LMCD1: variants seen among roughly 807,000 people sequenced by gnomAD.
LMCD1 encodes LIM and cysteine rich domains 1, also known as LIM and cysteine-rich domains protein 1.
In LMCD1, 32 loss-of-function variants were observed where a neutral mutation model predicts 42.7. That is an observed-to-expected ratio of 0.75 (90% confidence interval 0.57 to 1.01). The LOEUF (loss-of-function observed/expected upper bound fraction) is 1.01. Ranked by LOEUF, LMCD1 falls within the 50% of genes least tolerant of loss-of-function variation. LMCD1 has a pLI of 0.00. For missense variants in LMCD1, 458 were observed against 483.1 expected (o/e 0.95, Z 0.49); for synonymous variants, 178 against 184.9 (o/e 0.96, Z 0.30).
At chr3:8,533,392 C>T (rs1306651178) in intron 2 of LMCD1, among the ~76,000 whole-genome samples, 3 of 152,130 alleles carry the variant, frequency 2.0e-5, no homozygotes, top group Non-Finnish European at 4.4e-5. Flanking sequence ...AATGAGGCTG[C>T]CACAATGCAG....
intron 3 of LMCD1, among the ~76,000 whole-genome samples, chr3:8,545,272 A>G (rs928409293): frequency 1.3e-5 from 2 of 152,214 alleles, no homozygotes; most frequent in Non-Finnish European, 2.9e-5. Flanking sequence ...AAATAAAAAT[A>G]TTCAGTTTTG....
At chr3:8,562,301 A>G (rs1263541272) in intron 4 of LMCD1, among the ~76,000 whole-genome samples, 1 of 152,194 alleles carries the variant, frequency 6.6e-6, no homozygotes, top group Non-Finnish European at 1.5e-5. Flanking sequence ...CCCTGTAGGG[A>G]AGCTGCTTCT....
At chr3:8,512,343 G>A (rs781286974) in intron 1 of LMCD1, among the ~76,000 whole-genome samples, 1 of 152,194 alleles carries the variant, frequency 6.6e-6, no homozygotes, top group Non-Finnish European at 1.5e-5. Flanking sequence ...TTCTAGAGCA[G>A]GCGATGCACT....
chr3:8,526,642 G>A (rs1489879639), intron 1 of LMCD1, among the ~76,000 whole-genome samples: 2 of 152,208 alleles, frequency 1.3e-5, no homozygotes, highest in African/African-American at 4.8e-5. Flanking sequence ...TGATTTCATA[G>A]GTCTGGGGTG....
intron 1 of LMCD1, among the ~76,000 whole-genome samples, chr3:8,516,916 A>ACT (rs1171614750): frequency 6.6e-5 from 10 of 152,174 alleles, no homozygotes; most frequent in Non-Finnish European, 1.5e-4. Flanking sequence ...TAGAGGCCTT[A>ACT]CTCTAGCACG....
At chr3:8,502,285 TATAATATA>T (rs1693742161) in intron 1 of LMCD1, among the ~76,000 whole-genome samples, 1 of 58,740 alleles carries the variant, frequency 1.7e-5, no homozygotes, top group South Asian at 3.7e-4. Flanking sequence ...ATAAAATATA[TATAATATA>T]TATTATATAT....
intron 1 of LMCD1, among the ~76,000 whole-genome samples, chr3:8,528,060 C>T (rs530205539): frequency 2.0e-5 from 3 of 152,266 alleles, no homozygotes; most frequent in Non-Finnish European, 2.9e-5. Flanking sequence ...TGCAAGTTAA[C>T]GTGTTACTTC....
Position 8,570,991 on chromosome 3 carries a change from C to T in LMCD1, c.*3393C>T, listed in dbSNP as rs1434430004. 2 of 152,130 alleles carry T rather than the reference C, an allele frequency of 1.3e-5. No individual in the cohort carries two copies. The highest frequency in any genetic ancestry group is 2.9e-5 in the Non-Finnish European group (2 of 68,052). 9.4% of individuals were successfully genotyped at this position (152,130 alleles called of 1,614,324 possible). A position where few individuals can be genotyped will look rare whatever the true frequency, so the allele number is the denominator to read the frequency against. On this transcript the variant is annotated 3_prime_UTR_variant, in exon 6 of 6. Transcript: ENST00000157600. ...AATTGCTGCCTCTGCTGGGGGGCTG[C>T]AATAGCTGAGTGGGATTCTGTACCA...
chr3:8,564,924 C>T (rs1295340191), intron 4 of LMCD1, among the ~76,000 whole-genome samples: 1 of 152,148 alleles, frequency 6.6e-6, no homozygotes, highest in African/African-American at 2.4e-5. Flanking sequence ...CAATCTTCTG[C>T]AAGTCATTGA....
At chr3:8,544,717 T>C (rs539541845) in intron 3 of LMCD1, among the ~76,000 whole-genome samples, 179 of 152,318 alleles carry the variant, frequency 1.2e-3, no homozygotes, top group Non-Finnish European at 1.4e-3. Flanking sequence ...AATTTCCATG[T>C]TCACTCCCAC....
intron 1 of LMCD1, among the ~76,000 whole-genome samples, chr3:8,525,418 G>A (rs967368163): frequency 2.0e-5 from 3 of 152,146 alleles, no homozygotes; most frequent in African/African-American, 7.2e-5. Flanking sequence ...GTGTGTTTGT[G>A]TGTGTGTACG....
Position 8,521,805 on chromosome 3 carries a change from G to A in LMCD1, c.43-10932G>A, listed in dbSNP as rs181809072. Among the ~76,000 whole-genome samples, 11 of 152,266 alleles carry A rather than the reference G, an allele frequency of 7.2e-5. No individual in the cohort carries two copies. The East Asian group carries it at 9.7e-4, about 13-fold the overall frequency. ...ATAGGTAGACAGTGCTGGTAGATTC[G>A]GTTGGTAGACCAGATGACCGAGGGA... On this transcript the variant is annotated intron_variant, in intron 1 of 5. Coordinates refer to ENST00000157600, the MANE Select transcript of LMCD1 (RefSeq NM_014583.4).
intron 4 of LMCD1, among the ~76,000 whole-genome samples, chr3:8,555,716 C>T (rs911644791): frequency 1.6e-3 from 100 of 63,272 alleles, no homozygotes; most frequent in African/African-American, 5.4e-3. Flanking sequence ...CTTCAACGAG[C>T]TTTTTTTTTT....
At chr3:8,532,958 A>C in intron 2 of LMCD1, 133 bp downstream of exon 2, 6 of 738,220 alleles carry the variant, frequency 8.1e-6, no homozygotes, top group Non-Finnish European at 1.2e-5. Context: ...TGCAGAGGGA[A>C]GGCACTCCTG....
chr3:8,507,408 G>A (rs923986043), intron 1 of LMCD1, among the ~76,000 whole-genome samples: 2 of 152,150 alleles, frequency 1.3e-5, no homozygotes, highest in South Asian at 2.1e-4. Flanking sequence ...CAATTGTAGT[G>A]CTTTGTGAAA....
At chr3:8,532,518 A>G (rs1281469434) in intron 1 of LMCD1, among the ~76,000 whole-genome samples, 1 of 152,152 alleles carries the variant, frequency 6.6e-6, no homozygotes, top group African/African-American at 2.4e-5. Context: ...CTTATTGGGA[A>G]GAGCCCCACC....
chr3:8,540,987 G>A (rs956013281), intron 3 of LMCD1, among the ~76,000 whole-genome samples: 4 of 152,066 alleles, frequency 2.6e-5, no homozygotes, highest in East Asian at 1.9e-4. Flanking sequence ...TAGCACTCTC[G>A]GTCACCACTA....
chr3:8,561,544 C>A (rs112434186), intron 4 of LMCD1, among the ~76,000 whole-genome samples: 1 of 152,162 alleles, frequency 6.6e-6, no homozygotes, highest in African/African-American at 2.4e-5. Flanking sequence ...GGCCATGGGC[C>A]GTAGCTTACT....
chr3:8,518,066 A>T (rs1170623205), intron 1 of LMCD1, among the ~76,000 whole-genome samples: 1 of 152,118 alleles, frequency 6.6e-6, no homozygotes, highest in Non-Finnish European at 1.5e-5. Context: ...AAAAAAAACA[A>T]GGTTCAGAGA....
Sources: allele counts gnomAD v4.1 joint callset (sites outside exome capture counted in the v4.1 genomes callset), GRCh38; gene constraint gnomAD v4.1.1; transcripts MANE v1.5; gene names NCBI Gene and HGNC (gene_info 2026-07-23, HGNC 2026-07-21).